Variants in LRBA observed in about 807,000 individuals in gnomAD.
The protein encoded by LRBA is lipopolysaccharide-responsive and beige-like anchor protein.
Under a neutral mutation model 330.0 loss-of-function variants are expected in LRBA, and 176 were observed. The observed-to-expected ratio is 0.53, with a 90% CI of 0.47 to 0.60. The LOEUF (loss-of-function observed/expected upper bound fraction) is 0.60, where lower values mean the gene tolerates loss of function less well. Ranked by LOEUF, LRBA falls within the 20% of genes least tolerant of loss-of-function variation. The pLI, the probability that LRBA is intolerant of heterozygous loss-of-function variation, is 0.00. For synonymous variants in LRBA, 1,230 were observed against 1,193.0 expected, an observed-to-expected ratio of 1.03 and a Z score of -0.64; for missense variants, 3,259 against 3,444.8, an observed-to-expected ratio of 0.95 and a Z score of 1.35.
At position 150,590,859 on chromosome 4, in the gene LRBA, G is replaced by A. The variant is rs774422402; in HGVS notation, c.6047C>T (p.Ala2016Val). 6.2e-7 allele frequency: 1 copy of A among 1,613,484 alleles called. No individual in the cohort carries two copies. Among genetic ancestry groups the A allele is most frequent in the Non-Finnish European group, 8.5e-7 (1 of 1,179,810 alleles). ...TTTAGCAAGGATATCTTCATCTGTG[G>A]CTGAAATGAAAAGGAAACAAAGCTG... ...EATLKTAVEH[A>V]TDEDILAKGK... Residue 2016 changes from alanine to valine, a missense_variant and splice_region_variant, in exon 39 of 57, where the codon GCC becomes GTC. Ala to Val is a moderately conservative substitution (Grantham distance 64). Transcript: ENST00000651943.
At chr4:150,282,041 C>A (rs1375403733) in intron 55 of LRBA, among the ~76,000 whole-genome samples, 1 of 152,214 alleles carries the variant, frequency 6.6e-6, no homozygotes, top group East Asian at 1.9e-4. Context: ...ACTGCTCCCA[C>A]CACCAAGCTA....
At chr4:150,739,573 G>A (rs1731669278) in intron 35 of LRBA, among the ~76,000 whole-genome samples, 3 of 152,140 alleles carry the variant, frequency 2.0e-5, no homozygotes, top group African/African-American at 7.2e-5. Flanking sequence ...GAAGGAGATG[G>A]GGCTTGCCTC....
At chr4:150,826,444 C>A (rs1365597501) in intron 30 of LRBA, among the ~76,000 whole-genome samples, 1 of 152,150 alleles carries the variant, frequency 6.6e-6, no homozygotes, top group Admixed American at 6.5e-5. Flanking sequence ...ATGATCATGA[C>A]TGCCCTTATC....
intron 2 of LRBA, among the ~76,000 whole-genome samples, chr4:150,978,069 A>G (rs1740404591): frequency 6.6e-6 from 1 of 152,038 alleles, no homozygotes; most frequent in Non-Finnish European, 1.5e-5. Context: ...TGGTTATAGC[A>G]GGCCTTGGGT....
chr4:150,351,907 A>T (rs989540712), intron 47 of LRBA, among the ~76,000 whole-genome samples: 2 of 152,194 alleles, frequency 1.3e-5, no homozygotes, highest in Non-Finnish European at 2.9e-5. Context: ...AAAATTGAAC[A>T]ATGATATACT....
chr4:150,411,276 T>C (rs1746951893), intron 47 of LRBA, among the ~76,000 whole-genome samples: 1 of 152,206 alleles, frequency 6.6e-6, no homozygotes, highest in African/African-American at 2.4e-5. Context: ...CTTCATTACT[T>C]ACAGAAAACT....
chr4:150,694,793 G>A (rs984823964), intron 36 of LRBA, among the ~76,000 whole-genome samples: 1 of 151,684 alleles, frequency 6.6e-6, no homozygotes, highest in Non-Finnish European at 1.5e-5. Context: ...ACAACATGTT[G>A]GGTTCTTATC....
At chr4:150,657,591 T>TA (rs113864296) in intron 37 of LRBA, among the ~76,000 whole-genome samples, 1 of 151,946 alleles carries the variant, frequency 6.6e-6, no homozygotes, top group Non-Finnish European at 1.5e-5. Flanking sequence ...TATAAAGTTT[T>TA]AAAAAAATAC....
At chr4:150,327,343 C>T (rs931902583) in intron 48 of LRBA, among the ~76,000 whole-genome samples, 1 of 152,132 alleles carries the variant, frequency 6.6e-6, no homozygotes, top group Non-Finnish European at 1.5e-5. Flanking sequence ...CAGCTTGAGG[C>T]CAGGAGTTCG....
intron 47 of LRBA, among the ~76,000 whole-genome samples, chr4:150,410,156 C>T (rs533251027): frequency 2.2e-4 from 34 of 151,950 alleles, no homozygotes; most frequent in Non-Finnish European, 4.1e-4. Flanking sequence ...CACTCTTGTT[C>T]AGTGGGGGGC....
intron 2 of LRBA, among the ~76,000 whole-genome samples, chr4:151,009,928 C>A (rs936082124): frequency 3.4e-4 from 51 of 151,686 alleles, no homozygotes; most frequent in African/African-American, 1.2e-3. Context: ...TGCAGTGAGC[C>A]GAGATCGCGC....
chr4:150,689,615 A>G (rs904595974), intron 36 of LRBA, among the ~76,000 whole-genome samples: 7 of 152,156 alleles, frequency 4.6e-5, no homozygotes, highest in African/African-American at 1.7e-4. Flanking sequence ...GGTGAATTCC[A>G]CCAAACATTT....
intron 55 of LRBA, among the ~76,000 whole-genome samples, chr4:150,281,708 A>T (rs887624030): frequency 6.6e-6 from 1 of 152,150 alleles, no homozygotes; most frequent in African/African-American, 2.4e-5. Flanking sequence ...CTGGAAAATG[A>T]GGACCACCCC....
At chr4:150,863,593 C>A (rs868569249) in intron 22 of LRBA, among the ~76,000 whole-genome samples, 3 of 152,048 alleles carry the variant, frequency 2.0e-5, no homozygotes, top group Non-Finnish European at 4.4e-5. Flanking sequence ...GCCTGGGAGG[C>A]GGAGTTTACA....
intron 37 of LRBA, 86 bp from the exon 38 acceptor site, chr4:150,599,217 T>C (rs1233628036): frequency 6.9e-7 from 1 of 1,458,424 alleles, no homozygotes; most frequent in African/African-American, 1.4e-5. Context: ...TCTCCTTGTT[T>C]GCTCTGCCTT....
chr4:150,596,257 A>G (rs925643748), intron 38 of LRBA, among the ~76,000 whole-genome samples: 2 of 152,008 alleles, frequency 1.3e-5, no homozygotes, highest in South Asian at 2.1e-4. Flanking sequence ...TGGGGCTGGT[A>G]TTGATCGCCC....
chr4:150,864,062 C>G (rs1287470240), intron 22 of LRBA, among the ~76,000 whole-genome samples: 2 of 152,142 alleles, frequency 1.3e-5, no homozygotes, highest in African/African-American at 4.8e-5. Context: ...CTCACCCTCA[C>G]AAGTAGCTGG....
In LRBA at chr4:150,265,195, G is replaced by C. The variant is rs1376335250; in HGVS notation, c.*527C>G. On this transcript the variant is annotated 3_prime_UTR_variant, in exon 57 of 57. Coordinates refer to ENST00000651943, the MANE Select transcript of LRBA (RefSeq NM_001364905.1). ...ACATGCTTGAAGAACAATATTGATA[G>C]ACAGACTTAATTGAGATGTTTTAAA... 6.5e-6 allele frequency: 1 copy of C among 154,440 alleles called. No homozygotes were observed. Among genetic ancestry groups the C allele is most frequent in the East Asian group, 1.9e-4 (1 of 5,282 alleles). 9.6% of individuals were successfully genotyped at this position (154,440 alleles called of 1,614,324 possible). A position where few individuals can be genotyped will look rare whatever the true frequency, so the allele number is the denominator to read the frequency against.
At chr4:150,595,202 G>A (rs1051963335) in intron 38 of LRBA, among the ~76,000 whole-genome samples, 10 of 134,872 alleles carry the variant, frequency 7.4e-5, no homozygotes, top group African/African-American at 2.5e-4. Flanking sequence ...CATGTCCATA[G>A]CATTCCAAGT....
Sources: allele counts gnomAD v4.1 joint callset (sites outside exome capture counted in the v4.1 genomes callset), GRCh38; gene constraint gnomAD v4.1.1; transcripts MANE v1.5; gene names NCBI Gene and HGNC (gene_info 2026-07-23, HGNC 2026-07-21).